Variants in GKAP1 observed in about 807,000 individuals in gnomAD.
GKAP1 encodes the protein G kinase-anchoring protein 1.
GKAP1 carries 31 observed loss-of-function variants against 56.7 expected under a neutral mutation model. The ratio of observed to expected loss-of-function variants is 0.55; its 90% CI spans 0.41 to 0.74. The LOEUF is 0.74. GKAP1 is among the 30% of genes least tolerant of loss of function. GKAP1 has a pLI of 0.00. For synonymous variants in GKAP1, 151 were observed against 138.6 expected (o/e 1.09, Z -0.63); for missense variants, 364 against 402.3 (o/e 0.90, Z 0.82).
intron 6 of GKAP1, among the ~76,000 whole-genome samples, chr9:83,780,670 C>T (rs946607258): frequency 1.3e-5 from 2 of 152,222 alleles, no homozygotes; most frequent in Middle Eastern, 3.4e-3. Context: ...GATATTATTG[C>T]ATTTTAAGCA....
At chr9:83,801,282 T>G (rs1944327177) in intron 3 of GKAP1, among the ~76,000 whole-genome samples, 1 of 152,162 alleles carries the variant, frequency 6.6e-6, no homozygotes, top group African/African-American at 2.4e-5. Flanking sequence ...ATGGAAAGAT[T>G]CTACTCAGAG....
chr9:83,792,649 A>G lies in GKAP1; in HGVS notation c.361-3971T>C, dbSNP rs147145751. On this transcript the variant is annotated intron_variant, in intron 4 of 12. Transcript: ENST00000376371. ...GAAAAGAGAAAGAAAATGTGATTCAAAATTCTCTAAACATATCTTTATTCT... is the reference window on the plus strand; with the variant it reads ...GAAAAGAGAAAGAAAATGTGATTCAGAATTCTCTAAACATATCTTTATTCT... Among the ~76,000 whole-genome samples, 601 of 152,330 alleles carry G rather than the reference A, an allele frequency of 3.9e-3. 10 individuals are homozygous for G. The highest frequency in any genetic ancestry group is 0.014 in the African/African-American group (566 of 41,578).
At chr9:83,793,752 A>G (rs1944201075) in intron 4 of GKAP1, among the ~76,000 whole-genome samples, 1 of 152,264 alleles carries the variant, frequency 6.6e-6, no homozygotes, top group Non-Finnish European at 1.5e-5. Flanking sequence ...ATGTGTTAGG[A>G]TGAGAGTGAT....
rs566276683 is a variant in GKAP1 at position 83,784,171 on chromosome 9, G to T, written c.562+544C>A. Among the ~76,000 whole-genome samples the T allele has an allele frequency of 5.3e-5, 8 of 151,874 alleles. 1 individual carries two copies. The South Asian group carries it at 1.7e-3, about 32-fold the overall frequency. On this transcript the variant is annotated intron_variant, in intron 6 of 12. Coordinates refer to ENST00000376371, the MANE Select transcript of GKAP1 (RefSeq NM_025211.4). ...AGTCCTAGCTACTCGGGAGACTGAGGCATAAGAATTGCTTGAGTCGTGGAG... is the reference window on the plus strand; with the variant it reads ...AGTCCTAGCTACTCGGGAGACTGAGTCATAAGAATTGCTTGAGTCGTGGAG...
At chr9:83,794,356 C>T (rs1944209729) in intron 4 of GKAP1, among the ~76,000 whole-genome samples, 1 of 152,054 alleles carries the variant, frequency 6.6e-6, no homozygotes, top group Admixed American at 6.5e-5. Flanking sequence ...GCCAAAAATA[C>T]AATGGATTTA....
chr9:83,808,750 C>T (rs961501514), intron 2 of GKAP1, among the ~76,000 whole-genome samples: 2 of 152,148 alleles, frequency 1.3e-5, no homozygotes, highest in African/African-American at 4.8e-5. Context: ...CAAATATTCA[C>T]TGTCTCTCCC....
At chr9:83,770,829 G>C (rs544761614) in intron 7 of GKAP1, among the ~76,000 whole-genome samples, 1 of 152,056 alleles carries the variant, frequency 6.6e-6, no homozygotes, top group African/African-American at 2.4e-5. Context: ...CAAAGTGCTG[G>C]GATTACAGGT....
intron 4 of GKAP1, among the ~76,000 whole-genome samples, chr9:83,790,698 A>G (rs1189417390): frequency 1.3e-5 from 2 of 152,098 alleles, no homozygotes; most frequent in Non-Finnish European, 2.9e-5. Context: ...CTGTAATTCC[A>G]GCTACTCGGG....
At chr9:83,742,753 T>G (rs750397193) in intron 10 of GKAP1, among the ~76,000 whole-genome samples, 153 bp from the exon 11 acceptor site, 1 of 152,238 alleles carries the variant, frequency 6.6e-6, no homozygotes, top group Non-Finnish European at 1.5e-5. Context: ...AGCTCTTACT[T>G]TTCACTGGTA....
intron 7 of GKAP1, among the ~76,000 whole-genome samples, chr9:83,772,288 G>A (rs574278456): frequency 6.6e-5 from 10 of 152,218 alleles, no homozygotes; most frequent in Admixed American, 1.3e-4. Context: ...ATCTAGATAT[G>A]AGCCTTCATA....
At chr9:83,748,395 TTA>T in intron 9 of GKAP1, 23 bp from the exon 10 acceptor site, 3 of 1,375,834 alleles carry the variant, frequency 2.2e-6, no homozygotes, top group South Asian at 1.3e-5. Flanking sequence ...GAAAAAAGAT[TTA>T]GTTTTTTTAA....
chr9:83,758,593 T>C (rs928563970), intron 8 of GKAP1, among the ~76,000 whole-genome samples: 2 of 151,666 alleles, frequency 1.3e-5, no homozygotes, highest in African/African-American at 4.8e-5. Flanking sequence ...AAATAATACA[T>C]AATAAATTAG....
intron 2 of GKAP1, among the ~76,000 whole-genome samples, chr9:83,811,074 T>C (rs1321850263): frequency 2.6e-5 from 4 of 152,192 alleles, no homozygotes; most frequent in African/African-American, 9.6e-5. Flanking sequence ...CAAAACATAG[T>C]TATTGCAGCA....
At chr9:83,775,852 A>T (rs1211264424) in intron 7 of GKAP1, among the ~76,000 whole-genome samples, 1 of 133,310 alleles carries the variant, frequency 7.5e-6, no homozygotes, top group Admixed American at 8.2e-5. Context: ...TCCAGCCAGG[A>T]GGACACAGAG....
chr9:83,750,300 AT>A (rs1251004363), intron 9 of GKAP1, among the ~76,000 whole-genome samples: 1 of 151,984 alleles, frequency 6.6e-6, no homozygotes, highest in Non-Finnish European at 1.5e-5. Flanking sequence ...AGCATATTTA[AT>A]TTCATGACAG....
chr9:83,759,794 C>A (rs1217854867), intron 8 of GKAP1, among the ~76,000 whole-genome samples: 1 of 152,026 alleles, frequency 6.6e-6, no homozygotes, highest in Non-Finnish European at 1.5e-5. Flanking sequence ...AATTAGTAGT[C>A]TTTACCTTCC....
intron 8 of GKAP1, among the ~76,000 whole-genome samples, chr9:83,756,055 T>C (rs1350444864): frequency 1.3e-5 from 2 of 152,088 alleles, no homozygotes; most frequent in South Asian, 4.1e-4. Flanking sequence ...TCCACCTGCC[T>C]TGGCCTCCCA....
chr9:83,810,000 G>GGT (rs1182781030), intron 2 of GKAP1, among the ~76,000 whole-genome samples: 2 of 152,018 alleles, frequency 1.3e-5, no homozygotes, highest in Non-Finnish European at 2.9e-5. Context: ...TTATAGAGAT[G>GGT]GGGGTCTCCC....
chr9:83,805,057 T>A (rs1944415651), intron 3 of GKAP1, among the ~76,000 whole-genome samples: 1 of 152,116 alleles, frequency 6.6e-6, no homozygotes, highest in Admixed American at 6.5e-5. Flanking sequence ...GATTGAGAAA[T>A]CGGATGGTTG....
Sources: allele counts gnomAD v4.1 joint callset (sites outside exome capture counted in the v4.1 genomes callset), GRCh38; gene constraint gnomAD v4.1.1; transcripts MANE v1.5; gene names NCBI Gene and HGNC (gene_info 2026-07-23, HGNC 2026-07-21).